Variants in OLFM2 observed in about 807,000 individuals in gnomAD.
The protein encoded by OLFM2 is noelin-2.
Under a neutral mutation model 43.9 loss-of-function variants are expected in OLFM2, and 20 were observed. That is an observed-to-expected ratio of 0.46 (90% confidence interval 0.32 to 0.66). The LOEUF (loss-of-function observed/expected upper bound fraction) is 0.66, where lower values mean the gene tolerates loss of function less well. OLFM2 is among the 30% of genes least tolerant of loss of function. The pLI is 0.04. For missense variants in OLFM2, 416 were observed against 643.6 expected (o/e 0.65, Z 3.83); for synonymous variants, 268 against 278.6 (o/e 0.96, Z 0.38).
At chr19:9,859,168 C>T (rs946669376) in intron 2 of OLFM2, among the ~76,000 whole-genome samples, 1 of 152,212 alleles carries the variant, frequency 6.6e-6, no homozygotes, top group Non-Finnish European at 1.5e-5. Flanking sequence ...AACTCAGCAG[C>T]CTAATACCCA....
chr19:9,915,868 A>G (rs1376959708), intron 1 of OLFM2, among the ~76,000 whole-genome samples: 1 of 152,170 alleles, frequency 6.6e-6, no homozygotes, highest in African/African-American at 2.4e-5. Flanking sequence ...AACCATCTGG[A>G]TATCTAGGGG....
intron 1 of OLFM2, among the ~76,000 whole-genome samples, chr19:9,895,485 ACC>A (rs2046675607): frequency 7.0e-6 from 1 of 143,570 alleles, no homozygotes; most frequent in South Asian, 2.2e-4. Context: ...ACAGAGTGAG[ACC>A]CTGTCTCAAA....
intron 1 of OLFM2, among the ~76,000 whole-genome samples, chr19:9,901,990 C>T (rs6511235): frequency 0.57 from 86,512 of 151,842 alleles, 24,795 homozygotes; most frequent in Admixed American, 0.64. Flanking sequence ...ATTCGTGAGC[C>T]CACAAGTCAA....
At chr19:9,889,480 G>C (rs1599482844) in intron 1 of OLFM2, among the ~76,000 whole-genome samples, 1 of 152,068 alleles carries the variant, frequency 6.6e-6, no homozygotes, top group Non-Finnish European at 1.5e-5. Flanking sequence ...AAACTCCTGG[G>C]CTCAAGCAAT....
intron 1 of OLFM2, among the ~76,000 whole-genome samples, chr19:9,903,850 C>T (rs1020665387): frequency 6.6e-6 from 1 of 152,154 alleles, no homozygotes; most frequent in Non-Finnish European, 1.5e-5. Flanking sequence ...ATTTAAGATA[C>T]ATTTTTGGCC....
intron 1 of OLFM2, among the ~76,000 whole-genome samples, chr19:9,901,405 G>A (rs568832569): frequency 2.0e-5 from 3 of 151,862 alleles, no homozygotes; most frequent in East Asian, 1.9e-4. Context: ...CAGCCTGGGC[G>A]ACAGAGTGAG....
chr19:9,901,083 G>C (rs1286611696), intron 1 of OLFM2, among the ~76,000 whole-genome samples: 1 of 116,752 alleles, frequency 8.6e-6, no homozygotes, highest in Non-Finnish European at 1.8e-5. Context: ...GAAAGAAAGA[G>C]AGTGAGGAAG....
rs1568365257 is a variant in OLFM2, at chr19:9,854,975, G to A, written c.688-112C>T. 1.7e-5 allele frequency: 14 copies of A among 802,362 alleles called. No individual in the cohort carries two copies. The highest frequency in any genetic ancestry group is 5.8e-5 in the Admixed American group (2 of 34,410). The allele number at this position is 802,362 out of a possible 1,614,324, so 49.7% of individuals were successfully genotyped here. A position where few individuals can be genotyped will look rare whatever the true frequency, so the allele number is the denominator to read the frequency against. On this transcript the variant is annotated intron_variant, in intron 5 of 5. Coordinates refer to ENST00000264833, the MANE Select transcript of OLFM2 (RefSeq NM_058164.4). This position sits in a 1 kb window ranked among gnomAD's most constrained non-coding sequence, Gnocchi z 9.5. ...AGTCACTAAGTGGTCATTAGTCATG[G>A]GAACTCTGTTGACCATTCATTACCA... is the stretch of plus-strand genomic sequence containing the variant.
intron 1 of OLFM2, chr19:9,913,786 G>C: frequency 4.5e-6 from 2 of 442,518 alleles, no homozygotes; most frequent in Non-Finnish European, 6.1e-6. Flanking sequence ...GGGGCTCGGG[G>C]ACGCGGGCTG....
intron 1 of OLFM2, among the ~76,000 whole-genome samples, chr19:9,905,913 A>G (rs2144984259): frequency 6.6e-6 from 1 of 152,314 alleles, no homozygotes; most frequent in South Asian, 2.1e-4. Context: ...CTCAACAGTC[A>G]GGCATGGCTT....
chr19:9,854,991 T>C lies in OLFM2; in HGVS notation c.688-128A>G. ...TTAGTCATGGGAACTCTGTTGACCA[T>C]TCATTACCAATTATGGCCCTAGTGT... is the stretch of plus-strand genomic sequence containing the variant. On this transcript the variant is annotated intron_variant, in intron 5 of 5. Transcript: ENST00000264833. This position sits in a 1 kb window ranked among gnomAD's most constrained non-coding sequence, Gnocchi z 9.5. 2 of 691,294 alleles carry C rather than the reference T, an allele frequency of 2.9e-6. No individual in the cohort carries two copies. The highest frequency in any genetic ancestry group is 4.8e-6 in the Non-Finnish European group (2 of 418,850). The allele number at this position is 691,294 out of a possible 1,614,324, so 42.8% of individuals were successfully genotyped here.
chr19:9,894,413 A>AATAAT (rs34172574), intron 1 of OLFM2, among the ~76,000 whole-genome samples: 28,660 of 102,910 alleles, frequency 0.28, 4,017 homozygotes, highest in Admixed American at 0.34. Flanking sequence ...TAATAATAAT[A>AATAAT]AATAAATAAA....
chr19:9,904,863 T>A (rs935177612), intron 1 of OLFM2, among the ~76,000 whole-genome samples: 1 of 151,590 alleles, frequency 6.6e-6, no homozygotes, highest in East Asian at 1.9e-4. Flanking sequence ...TATGCAAAAT[T>A]TAAAAATTAG....
chr19:9,934,870 G>A (rs1304659517), intron 1 of OLFM2, among the ~76,000 whole-genome samples: 2 of 152,264 alleles, frequency 1.3e-5, no homozygotes, highest in Admixed American at 6.5e-5. Context: ...CACCCCCCTC[G>A]GGGTGAGCAC....
Position 9,936,344 on chromosome 19 carries a change from G to A in OLFM2, c.23C>T (p.Pro8Leu). MWPLTVP[P>L]PLLLLLCSGL... is the part of the protein sequence containing the mutation. ...TGAGCACAGCAGCAGCAGCAGCGGC[G>A]GCGGGACCGTGAGCGGCCACATGAC... Residue 8 changes from proline to leucine, a missense_variant, in exon 1 of 6, where the codon CCG becomes CTG. Pro to Leu is a moderately conservative substitution (Grantham distance 98). Coordinates refer to ENST00000264833, the MANE Select transcript of OLFM2 (RefSeq NM_058164.4). 1 of 1,504,454 alleles carries A rather than the reference G, an allele frequency of 6.6e-7. No individual in the cohort carries two copies. The highest frequency in any genetic ancestry group is 8.8e-7 in the Non-Finnish European group (1 of 1,133,930). 93.2% of individuals were successfully genotyped at this position (1,504,454 alleles called of 1,614,324 possible).
chr19:9,914,255 C>G (rs1054217659), intron 1 of OLFM2, among the ~76,000 whole-genome samples: 1 of 152,018 alleles, frequency 6.6e-6, no homozygotes, highest in Non-Finnish European at 1.5e-5. Context: ...TGTTGGGACA[C>G]CCACCCTGGC....
At chr19:9,871,928 T>C (rs926355653) in intron 1 of OLFM2, among the ~76,000 whole-genome samples, 3 of 152,202 alleles carry the variant, frequency 2.0e-5, no homozygotes, top group African/African-American at 7.2e-5. Context: ...TACCGTGAAT[T>C]TCTCCTTTCT....
chr19:9,910,999 G>C (rs186942925), intron 1 of OLFM2, among the ~76,000 whole-genome samples: 103 of 152,250 alleles, frequency 6.8e-4, no homozygotes, highest in Middle Eastern at 3.4e-3. Context: ...CAGATGGAAG[G>C]ATGGGCGTAA....
chr19:9,922,689 G>A (rs1425453130), intron 1 of OLFM2, among the ~76,000 whole-genome samples: 1 of 152,106 alleles, frequency 6.6e-6, no homozygotes, highest in African/African-American at 2.4e-5. Flanking sequence ...AGGCCAAGGT[G>A]GGTGGATTGC....
Sources: allele counts gnomAD v4.1 joint callset (sites outside exome capture counted in the v4.1 genomes callset), GRCh38; gene constraint gnomAD v4.1.1; non-coding constraint Gnocchi (gnomAD v3.1); transcripts MANE v1.5; gene names NCBI Gene and HGNC (gene_info 2026-07-23, HGNC 2026-07-21).